Variants in ACSS3 observed in about 807,000 individuals in gnomAD.
ACSS3 encodes the protein acyl-CoA synthetase short-chain family member 3, mitochondrial.
ACSS3 carries 64 observed loss-of-function variants against 84.2 expected under a neutral mutation model. The observed-to-expected ratio is 0.76, with a 90% CI of 0.62 to 0.94. The LOEUF is 0.94. Among genes scored for constraint, ACSS3 ranks in the 40% least tolerant of loss-of-function variants. ACSS3 has a pLI of 0.00. For missense variants in ACSS3, 815 were observed against 867.6 expected (o/e 0.94, Z 0.76); for synonymous variants, 317 against 310.1 (o/e 1.02, Z -0.23).
chr12:81,173,843 A>G (rs1565703975), intron 7 of ACSS3, among the ~76,000 whole-genome samples: 1 of 152,194 alleles, frequency 6.6e-6, no homozygotes, highest in Non-Finnish European at 1.5e-5. Context: ...CGTAGAAATT[A>G]GTAATACATC....
intron 2 of ACSS3, among the ~76,000 whole-genome samples, chr12:81,115,016 A>G (rs1883919184): frequency 6.6e-6 from 1 of 152,118 alleles, no homozygotes; most frequent in Non-Finnish European, 1.5e-5. Context: ...CTTTTGTGTC[A>G]GGATTTTTTC....
intron 13 of ACSS3, among the ~76,000 whole-genome samples, chr12:81,235,257 ATCTT>A (rs963708213): frequency 6.6e-6 from 1 of 151,244 alleles, no homozygotes; most frequent in Non-Finnish European, 1.5e-5. Context: ...TTTCTAGAAT[ATCTT>A]TCTATTTCAT....
intron 8 of ACSS3, among the ~76,000 whole-genome samples, chr12:81,184,645 A>G (rs1187040177): frequency 2.0e-5 from 3 of 151,732 alleles, no homozygotes; most frequent in Non-Finnish European, 4.4e-5. Flanking sequence ...ACGAAGAATT[A>G]TATGCCAACA....
chr12:81,235,798 T>C (rs901411092), intron 13 of ACSS3, among the ~76,000 whole-genome samples: 2 of 151,530 alleles, frequency 1.3e-5, no homozygotes, highest in African/African-American at 4.8e-5. Context: ...GAAATACTAC[T>C]GATCTTTTTG....
In ACSS3 at chr12:81,160,786, T is replaced by A. The variant is rs1435969; in HGVS notation, c.1098+8690T>A. On this transcript the variant is annotated intron_variant, in intron 7 of 15. Coordinates refer to ENST00000548058, the MANE Select transcript of ACSS3 (RefSeq NM_024560.4). The stretch of plus-strand genomic sequence containing the variant: ...AAAACTTTCACTTTAAATTAGTGAA[T>A]ACTTTTAGTGTTTGAGAGGAAGCAT... Among the ~76,000 whole-genome samples, 3 of 152,032 alleles carry A rather than the reference T, an allele frequency of 2.0e-5. No homozygotes were observed. In the South Asian group the frequency reaches 6.2e-4, roughly 32 times the overall value.
At chr12:81,189,011 A>G (rs1393500685) in intron 8 of ACSS3, among the ~76,000 whole-genome samples, 1 of 152,038 alleles carries the variant, frequency 6.6e-6, no homozygotes, top group Non-Finnish European at 1.5e-5. Context: ...ATCATCTTGG[A>G]GTTATTCCCC....
chr12:81,162,302 T>C (rs1266138123), intron 7 of ACSS3, among the ~76,000 whole-genome samples: 1 of 152,154 alleles, frequency 6.6e-6, no homozygotes, highest in African/African-American at 2.4e-5. Context: ...TGGAGGCAGG[T>C]CATCCCAATA....
chr12:81,186,455 A>G (rs1355807079), intron 8 of ACSS3, among the ~76,000 whole-genome samples: 3 of 151,826 alleles, frequency 2.0e-5, no homozygotes, highest in African/African-American at 7.2e-5. Flanking sequence ...CACAACTCAT[A>G]TATCTGATAA....
At chr12:81,166,186 A>C (rs1440285404) in intron 7 of ACSS3, among the ~76,000 whole-genome samples, 1 of 152,182 alleles carries the variant, frequency 6.6e-6, no homozygotes, top group Non-Finnish European at 1.5e-5. Flanking sequence ...ATACGTGGCC[A>C]GGACTAGAAT....
intron 11 of ACSS3, among the ~76,000 whole-genome samples, chr12:81,225,156 TTGTG>T (rs141396702): frequency 1.0e-4 from 15 of 149,574 alleles, no homozygotes; most frequent in African/African-American, 2.7e-4. Flanking sequence ...GGGAACTACT[TTGTG>T]TGTGTGTGTG....
chr12:81,173,439 C>G (rs1349638472), intron 7 of ACSS3, among the ~76,000 whole-genome samples: 3 of 151,810 alleles, frequency 2.0e-5, no homozygotes, highest in Non-Finnish European at 4.4e-5. Context: ...GAACATAAAA[C>G]AGATTGAAAT....
chr12:81,203,366 A>G (rs137921775), intron 9 of ACSS3, among the ~76,000 whole-genome samples: 509 of 152,302 alleles, frequency 3.3e-3, no homozygotes, highest in Non-Finnish European at 5.0e-3. Flanking sequence ...CTTCACAGAC[A>G]CAACCAAACA....
At chr12:81,130,478 AT>A (rs1196670064) in intron 2 of ACSS3, among the ~76,000 whole-genome samples, 5 of 151,512 alleles carry the variant, frequency 3.3e-5, no homozygotes, top group Non-Finnish European at 5.9e-5. Flanking sequence ...GGGTTGTTTG[AT>A]TTTTTTCTTG....
At chr12:81,235,204 G>A (rs1273967909) in intron 13 of ACSS3, among the ~76,000 whole-genome samples, 1 of 151,318 alleles carries the variant, frequency 6.6e-6, no homozygotes, top group Admixed American at 6.6e-5. Flanking sequence ...AATTGCCATT[G>A]CAACTTTGTC....
Position 81,110,126 on chromosome 12 carries a change from T to C in ACSS3, c.456+422T>C, listed in dbSNP as rs147596791. Reference sequence around the variant, plus strand: ...CTTCCTAAGAAACAACATATTTCTCTATGCCACTTAAAAATCTATTTCTTA... The same window carrying C: ...CTTCCTAAGAAACAACATATTTCTCCATGCCACTTAAAAATCTATTTCTTA... On this transcript the variant is annotated intron_variant, in intron 2 of 15. Coordinates refer to ENST00000548058, the MANE Select transcript of ACSS3 (RefSeq NM_024560.4). Among the ~76,000 whole-genome samples, 93 of 152,344 alleles carry C rather than the reference T, an allele frequency of 6.1e-4. 1 individual carries two copies. Among genetic ancestry groups the C allele is most frequent in the African/African-American group, 2.1e-3 (89 of 41,590 alleles).
At chr12:81,160,470 C>T (rs1351233328) in intron 7 of ACSS3, among the ~76,000 whole-genome samples, 4 of 152,156 alleles carry the variant, frequency 2.6e-5, no homozygotes, top group Admixed American at 6.5e-5. Context: ...GGAGTATGGT[C>T]GCTGGACTAG....
chr12:81,219,974 T>A, intron 10 of ACSS3, 39 bp from the exon 11 acceptor site: 1 of 1,318,684 alleles, frequency 7.6e-7, no homozygotes, highest in Non-Finnish European at 1.0e-6. Flanking sequence ...GCTTTAAGAT[T>A]ATGAATTTTT....
chr12:81,245,191 G>C (rs1386276574), intron 13 of ACSS3, among the ~76,000 whole-genome samples: 1 of 152,210 alleles, frequency 6.6e-6, no homozygotes, highest in Non-Finnish European at 1.5e-5. Context: ...GGCTGGCGCG[G>C]TGGCTCACGC....
intron 8 of ACSS3, among the ~76,000 whole-genome samples, chr12:81,187,447 A>G (rs1019868388): frequency 3.9e-5 from 6 of 151,934 alleles, no homozygotes; most frequent in Admixed American, 3.9e-4. Flanking sequence ...TACTGCACAA[A>G]TATGAGCTCA....
Sources: gnomAD v4.1 joint callset for allele counts (sites outside exome capture counted in the v4.1 genomes callset) on GRCh38, gnomAD v4.1.1 for gene constraint, MANE v1.5 for transcripts, NCBI Gene and HGNC (gene_info 2026-07-23, HGNC 2026-07-21) for gene names.